THY1: variants seen among roughly 807,000 people sequenced by gnomAD.
THY1 encodes thy-1 membrane glycoprotein.
In THY1, 10 loss-of-function variants were observed where a neutral mutation model predicts 14.9. The ratio of observed to expected loss-of-function variants is 0.67; its 90% CI spans 0.41 to 1.14. THY1 has a LOEUF of 1.14. Among genes scored for constraint, THY1 ranks in the 50% most tolerant of loss-of-function variants. The pLI is 0.00. For synonymous variants in THY1, 80 were observed against 90.0 expected, an observed-to-expected ratio of 0.89 and a Z score of 0.63; for missense variants, 159 against 202.1, an observed-to-expected ratio of 0.79 and a Z score of 1.29.
Position 119,420,305 on chromosome 11 carries a change from T to C in THY1, c.119A>G (p.His40Arg). 6.2e-7 allele frequency: 1 copy of C among 1,614,236 alleles called. No individual in the cohort carries two copies. Among genetic ancestry groups the C allele is most frequent in the South Asian group, 1.1e-5 (1 of 91,086 alleles). Residue 40 changes from histidine to arginine, a missense_variant, in exon 3 of 4, where the codon CAT becomes CGT. His to Arg is a conservative substitution (Grantham distance 29). Transcript: ENST00000284240. ...GATGGGTGAACTGCTGGTATTCTCA[T>C]GGCGGCAGTCCAGACGAAGGCTCTG... Reference protein sequence around the residue: ...VDQSLRLDCRHENTSSSPIQY... With the variant: ...VDQSLRLDCRRENTSSSPIQY...
At chr11:119,423,918 G>T (rs1444686431), upstream of THY1, 2 of 152,462 alleles carry the variant, frequency 1.3e-5, no homozygotes, top group Non-Finnish European at 2.9e-5. Flanking sequence ...TTGGTCTTCA[G>T]ACCAGGAAGG....
upstream of THY1, among the ~76,000 whole-genome samples, chr11:119,424,385 G>C (rs1356006697): frequency 6.6e-6 from 1 of 152,168 alleles, no homozygotes; most frequent in Non-Finnish European, 1.5e-5. Flanking sequence ...ACGACATTCT[G>C]TGGGCCTCCC....
chr11:119,415,995 C>T lies in THY1; in HGVS notation c.*3413G>A, dbSNP rs897468764. 6.6e-5 allele frequency among the ~76,000 whole-genome samples: 10 copies of T among 152,154 alleles called. No homozygotes were observed. Among genetic ancestry groups the T allele is most frequent in the Non-Finnish European group, 1.0e-4 (7 of 68,026 alleles). On this transcript the variant is annotated 3_prime_UTR_variant, in exon 4 of 4. Coordinates refer to ENST00000284240, the MANE Select transcript of THY1 (RefSeq NM_006288.5). ...AGAGAGGGACATCAGGTTGAGGAGG[C>T]GGGAGGGATGTGTGTCACAGGTCCC...
At chr11:119,423,175 A>C (rs768306648), upstream of THY1, 8 of 453,874 alleles carry the variant, frequency 1.8e-5, no homozygotes, top group South Asian at 1.1e-4. Flanking sequence ...CGGTTGCTGC[A>C]CCCAGCTCGG....
rs1323475217 is a variant in THY1, at chr11:119,420,914, GA to G, written c.-10del. 1 of 1,614,028 alleles carries G rather than the reference GA, an allele frequency of 6.2e-7. No individual in the cohort carries two copies. The highest frequency in any genetic ancestry group is 1.3e-5 in the African/African-American group (1 of 74,906). The stretch of plus-strand genomic sequence containing the variant: ...CTGATGGCCAGGTTCATGGTTCTGG[GA>G]TCTCAGTCCTGGATCTGGGGTGGGA... On this transcript the variant is annotated 5_prime_UTR_variant, in exon 2 of 4. Coordinates refer to ENST00000284240, the MANE Select transcript of THY1 (RefSeq NM_006288.5).
chr11:119,420,945 G>A lies in THY1; in HGVS notation c.-24-16C>T, dbSNP rs202224567. On this transcript the variant is annotated splice_polypyrimidine_tract_variant and intron_variant, in intron 1 of 3. Transcript: ENST00000284240. ...AGTCCTGGATCTGGGGTGGGAACAG[G>A]ATGGGAATCAGCCAAGCTGTGCCAC... The A allele has an allele frequency of 1.7e-4, 279 of 1,613,772 alleles. 1 individual carries two copies. The East Asian group carries it at 6.1e-3, about 35-fold the overall frequency.
Position 119,417,910 on chromosome 11 carries a change from T to A in THY1, c.*1498A>T, listed in dbSNP as rs568415699. 1.3e-5 allele frequency: 2 copies of A among 152,426 alleles called. No homozygotes were observed. Among genetic ancestry groups the A allele is most frequent in the South Asian group, 4.1e-4 (2 of 4,824 alleles). 9.4% of individuals were successfully genotyped at this position (152,426 alleles called of 1,614,324 possible). A position where few individuals can be genotyped will look rare whatever the true frequency, so the allele number is the denominator to read the frequency against. On this transcript the variant is annotated 3_prime_UTR_variant, in exon 4 of 4. Transcript: ENST00000284240. Reference sequence around the variant, plus strand: ...CCAGGGCCATGTGGTTCGGCCCACATGTTGGCAGTAAGCATGTTGTTCCAG... The same window carrying A: ...CCAGGGCCATGTGGTTCGGCCCACAAGTTGGCAGTAAGCATGTTGTTCCAG...
Position 119,419,325 on chromosome 11 carries a change from G to A in THY1, c.*83C>T, listed in dbSNP as rs1462723561. 3 of 1,253,772 alleles carry A rather than the reference G, an allele frequency of 2.4e-6. No homozygotes were observed. Among genetic ancestry groups the A allele is most frequent in the Non-Finnish European group, 3.4e-6 (3 of 872,536 alleles). The allele number at this position is 1,253,772 out of a possible 1,614,324, so 77.7% of individuals were successfully genotyped here. ...TTCTCCTCAAGGTTTGAGGGATTGG[G>A]GGGAGGGGGTCAGCTGACTCAGAGA... On this transcript the variant is annotated 3_prime_UTR_variant, in exon 4 of 4. Coordinates refer to ENST00000284240, the MANE Select transcript of THY1 (RefSeq NM_006288.5).
chr11:119,417,790 A>G lies in THY1; in HGVS notation c.*1618T>C, dbSNP rs1861806718. On this transcript the variant is annotated 3_prime_UTR_variant, in exon 4 of 4. Transcript: ENST00000284240. ...CCCTCGCAATAGTGGATGTGCCTGGAGGGTACATTTCTGAAGAACTACCAG... is the reference window on the plus strand; with the variant it reads ...CCCTCGCAATAGTGGATGTGCCTGGGGGGTACATTTCTGAAGAACTACCAG... 6.6e-6 allele frequency: 1 copy of G among 152,234 alleles called. No individual in the cohort carries two copies. Among genetic ancestry groups the G allele is most frequent in the Admixed American group, 6.5e-5 (1 of 15,284 alleles). 9.4% of individuals were successfully genotyped at this position (152,234 alleles called of 1,614,324 possible). A position where few individuals can be genotyped will look rare whatever the true frequency, so the allele number is the denominator to read the frequency against.
upstream of THY1, chr11:119,423,189 C>G: frequency 2.2e-6 from 1 of 455,204 alleles, no homozygotes; most frequent in African/African-American, 2.0e-5. Context: ...AGCTCGGAGC[C>G]CGCAGTTTTC....
chr11:119,423,280 G>A (rs549943777), upstream of THY1: 2 of 366,006 alleles, frequency 5.5e-6, no homozygotes, highest in East Asian at 1.7e-4. Flanking sequence ...AAGGACGGCA[G>A]GGTGGGGTGG....
At chr11:119,424,523 G>A (rs983453228), upstream of THY1, among the ~76,000 whole-genome samples, 2 of 152,120 alleles carry the variant, frequency 1.3e-5, no homozygotes, top group South Asian at 2.1e-4. Flanking sequence ...GAGGAGATTC[G>A]CTTGGTTTCC....
intron 3 of THY1, 28 bp downstream of exon 3, chr11:119,420,023 A>G: frequency 6.3e-7 from 1 of 1,593,972 alleles, no homozygotes; most frequent in Non-Finnish European, 8.6e-7. Flanking sequence ...CTCCCAGCTC[A>G]CTTGACCTTG....
At position 119,419,513 on chromosome 11, in the gene THY1, C is replaced by A; in HGVS notation, c.381G>T (p.Leu127=). The change falls in exon 4 of 4, where the codon CTG becomes CTT. Residue 127 remains leucine, a synonymous_variant. Transcript: ENST00000284240. ...GCAGGCTGATGCCCTCACACTTGAC[C>A]AGTTTGTCTGCAGAAAGAGAAGGGG... The part of the protein sequence containing the change: ...SQNVTVLRDK[L]VKCEGISLLA... The A allele has an allele frequency of 1.2e-6, 2 of 1,612,912 alleles. No individual in the cohort carries two copies. The highest frequency in any genetic ancestry group is 1.7e-6 in the Non-Finnish European group (2 of 1,179,902).
At chr11:119,420,654 A>T in intron 2 of THY1, 1 of 664,636 alleles carries the variant, frequency 1.5e-6, no homozygotes, top group Non-Finnish European at 2.6e-6. Context: ...TGGGGATTCT[A>T]GTTCAATAGT....
chr11:119,419,912 C>G, intron 3 of THY1, 139 bp downstream of exon 3: 1 of 952,620 alleles, frequency 1.0e-6, no homozygotes, highest in Non-Finnish European at 1.5e-6. Context: ...CAATGGTTCC[C>G]CAGTTGACCA....
In THY1 at chr11:119,422,964, C is replaced by G. The variant is rs1861939573; in HGVS notation, c.-25+149G>C. On this transcript the variant is annotated intron_variant, in intron 1 of 3. Transcript: ENST00000284240. This position sits in a 1 kb window ranked among gnomAD's most constrained non-coding sequence, Gnocchi z 7.0. ...CTGCAGAAGCATCCCCCTCCCGCCC[C>G]TGCCTGGAAAGCAGGCCCCTCCCTA... is the stretch of plus-strand genomic sequence containing the variant. 30 of 438,332 alleles carry G rather than the reference C, an allele frequency of 6.8e-5. No individual in the cohort carries two copies. The highest frequency in any genetic ancestry group is 4.6e-4 in the South Asian group (29 of 62,848). The allele number at this position is 438,332 out of a possible 1,614,324, so 27.2% of individuals were successfully genotyped here. A position where few individuals can be genotyped will look rare whatever the true frequency, so the allele number is the denominator to read the frequency against.
chr11:119,420,648 G>T (rs767556710), intron 2 of THY1: 2 of 656,306 alleles, frequency 3.0e-6, no homozygotes, highest in East Asian at 2.7e-5. Flanking sequence ...CTCAGTTGGG[G>T]ATTCTAGTTC....
At position 119,422,253 on chromosome 11, in the gene THY1, G is replaced by C. The variant is rs565070408; in HGVS notation, c.-25+860C>G. ...GCCCTGAGCCAGATCCAGGAGGAAG[G>C]GGGGTCGGCATCTGGCTTTTGAATC... On this transcript the variant is annotated intron_variant, in intron 1 of 3. Transcript: ENST00000284240. The surrounding 1 kb of genome is among the most constrained non-coding windows in gnomAD (Gnocchi z 7.0). 3 of 152,560 alleles carry C rather than the reference G, an allele frequency of 2.0e-5. No homozygotes were observed. Among genetic ancestry groups the C allele is most frequent in the South Asian group, 4.1e-4 (2 of 4,830 alleles). 9.5% of individuals were successfully genotyped at this position (152,560 alleles called of 1,614,324 possible). A position where few individuals can be genotyped will look rare whatever the true frequency, so the allele number is the denominator to read the frequency against.
Sources: gnomAD v4.1 joint callset for allele counts (sites outside exome capture counted in the v4.1 genomes callset) on GRCh38, gnomAD v4.1.1 for gene constraint, Gnocchi (gnomAD v3.1) non-coding constraint, MANE v1.5 for transcripts, NCBI Gene and HGNC (gene_info 2026-07-23, HGNC 2026-07-21) for gene names.